Variants in FHIT observed in about 807,000 individuals in gnomAD.
The protein encoded by FHIT is fragile histidine triad diadenosine triphosphatase, also known as bis(5'-adenosyl)-triphosphatase.
A neutral mutation model predicts 17.9 loss-of-function variants in FHIT; 19 were observed. The ratio of observed to expected loss-of-function variants is 1.06; its 90% CI spans 0.74 to 1.56. The LOEUF (loss-of-function observed/expected upper bound fraction) is 1.56, where lower values mean the gene tolerates loss of function less well. FHIT is among the 40% of genes most tolerant of loss of function. The pLI is 0.00. For missense variants in FHIT, 248 were observed against 189.2 expected, an observed-to-expected ratio of 1.31 and a Z score of -1.82; for synonymous variants, 81 against 69.7, an observed-to-expected ratio of 1.16 and a Z score of -0.81.
intron 7 of FHIT, among the ~76,000 whole-genome samples, chr3:59,951,781 T>A (rs899271044): frequency 2.6e-5 from 4 of 152,078 alleles, no homozygotes; most frequent in African/African-American, 9.7e-5. Flanking sequence ...CCCAGTTACA[T>A]CACCCCACCA....
chr3:60,045,234 G>A (rs574283134), intron 5 of FHIT, among the ~76,000 whole-genome samples: 66 of 152,220 alleles, frequency 4.3e-4, no homozygotes, highest in South Asian at 8.3e-4. Flanking sequence ...TTAAAATGAT[G>A]TATTATTCTC....
chr3:60,911,371 G>GCA (rs35183064), intron 3 of FHIT, among the ~76,000 whole-genome samples: 52,222 of 148,594 alleles, frequency 0.35, 10,350 homozygotes, highest in East Asian at 0.79. Flanking sequence ...TTCTTTGCAT[G>GCA]CACACACACA....
At chr3:61,227,178 C>G (rs1000959508) in intron 1 of FHIT, among the ~76,000 whole-genome samples, 3 of 152,064 alleles carry the variant, frequency 2.0e-5, no homozygotes, top group African/African-American at 4.8e-5. Flanking sequence ...TTCAAAGAAA[C>G]CATTAAGACA....
intron 3 of FHIT, among the ~76,000 whole-genome samples, chr3:60,828,693 C>T (rs1702210565): frequency 6.6e-6 from 1 of 152,080 alleles, no homozygotes; most frequent in East Asian, 1.9e-4. Context: ...GCCTGACCAA[C>T]ATGGCAAAAA....
At chr3:61,134,130 C>CACACACACACACACACAA (rs1200290794) in intron 2 of FHIT, among the ~76,000 whole-genome samples, 1 of 151,410 alleles carries the variant, frequency 6.6e-6, no homozygotes, top group African/African-American at 2.4e-5. Flanking sequence ...CACACACACA[C>CACACACACACACACACAA]AAAGAGGTCA....
chr3:61,174,686 T>C (rs2038105203), intron 2 of FHIT, among the ~76,000 whole-genome samples: 1 of 152,242 alleles, frequency 6.6e-6, no homozygotes. Context: ...AGTATATCTT[T>C]AAATCTTTTC....
chr3:60,891,713 A>T (rs1705524298), intron 3 of FHIT, among the ~76,000 whole-genome samples: 1 of 152,188 alleles, frequency 6.6e-6, no homozygotes, highest in Non-Finnish European at 1.5e-5. Context: ...GGGCTGCTGC[A>T]CAACTATGGG....
At chr3:61,180,329 A>C (rs903161427) in intron 2 of FHIT, among the ~76,000 whole-genome samples, 3 of 152,232 alleles carry the variant, frequency 2.0e-5, no homozygotes, top group Non-Finnish European at 4.4e-5. Context: ...ACAGCTCATT[A>C]ACAATTGCGT....
intron 4 of FHIT, among the ~76,000 whole-genome samples, chr3:60,678,517 A>G (rs1389289011): frequency 6.6e-6 from 1 of 152,174 alleles, no homozygotes; most frequent in Non-Finnish European, 1.5e-5. Context: ...TATCACCCCT[A>G]CAATTGGACC....
At chr3:60,344,459 T>G (rs182883867) in intron 5 of FHIT, among the ~76,000 whole-genome samples, 230 of 152,294 alleles carry the variant, frequency 1.5e-3, no homozygotes, top group African/African-American at 5.1e-3. Flanking sequence ...GGAAACAGAT[T>G]GAGAAAAGTC....
At chr3:59,939,071 G>T (rs1309421321) in intron 7 of FHIT, among the ~76,000 whole-genome samples, 4 of 152,118 alleles carry the variant, frequency 2.6e-5, no homozygotes, top group African/African-American at 9.7e-5. Flanking sequence ...AATAAAAGAG[G>T]CAACAGACAG....
At chr3:59,888,810 T>C (rs1225640676) in intron 8 of FHIT, among the ~76,000 whole-genome samples, 2 of 152,176 alleles carry the variant, frequency 1.3e-5, no homozygotes, top group African/African-American at 4.8e-5. Context: ...GACTGGAAGA[T>C]TTATAATAAA....
intron 5 of FHIT, among the ~76,000 whole-genome samples, chr3:60,029,907 G>GTGTGTGTGTGTGTGTC (rs1700927018): frequency 1.5e-5 from 2 of 132,546 alleles, no homozygotes; most frequent in African/African-American, 6.5e-5. Flanking sequence ...CTGTGTGTGT[G>GTGTGTGTGTGTGTGTC]TGTGTGTGTG....
At chr3:60,072,811 T>C (rs369690345) in intron 5 of FHIT, among the ~76,000 whole-genome samples, 1 of 152,236 alleles carries the variant, frequency 6.6e-6, no homozygotes, top group Non-Finnish European at 1.5e-5. Context: ...CAGGATATGA[T>C]ACTTTCTTAA....
At chr3:60,286,909 A>C (rs1177005853) in intron 5 of FHIT, among the ~76,000 whole-genome samples, 2 of 152,204 alleles carry the variant, frequency 1.3e-5, no homozygotes, top group Non-Finnish European at 2.9e-5. Context: ...CCTGCAAAAA[A>C]AAGTTAAGGC....
intron 4 of FHIT, among the ~76,000 whole-genome samples, chr3:60,592,242 A>G (rs1203435530): frequency 6.8e-6 from 1 of 146,042 alleles, no homozygotes; most frequent in Non-Finnish European, 1.5e-5. Flanking sequence ...TATATATTCC[A>G]TATATATACT....
At chr3:60,089,821 A>G (rs72880854) in intron 5 of FHIT, among the ~76,000 whole-genome samples, 8,259 of 152,242 alleles carry the variant, frequency 0.054, 352 homozygotes, top group African/African-American at 0.12. Context: ...TCACCTCCCA[A>G]TGGCAACATC....
Position 59,892,073 on chromosome 3 carries a change from C to T in FHIT, c.348+30273G>A, listed in dbSNP as rs149308084. Among the ~76,000 whole-genome samples, 882 of 152,324 alleles carry T rather than the reference C, an allele frequency of 5.8e-3. 3 individuals are homozygous for T. The highest frequency in any genetic ancestry group is 0.016 in the South Asian group (75 of 4,822). ...CATCTATAACTCAATTTAGCCAAGT[C>T]CATACCTTCTGAGATCCTTGACTTA... On this transcript the variant is annotated intron_variant, in intron 8 of 9. Coordinates refer to ENST00000492590, the MANE Select transcript of FHIT (RefSeq NM_002012.4).
At chr3:60,555,752 G>T (rs2036718433) in intron 4 of FHIT, among the ~76,000 whole-genome samples, 1 of 152,136 alleles carries the variant, frequency 6.6e-6, no homozygotes, top group African/African-American at 2.4e-5. Flanking sequence ...TGAGGCTCTG[G>T]CTGCCTACTG....
Sources: gnomAD v4.1 joint callset for allele counts (sites outside exome capture counted in the v4.1 genomes callset) on GRCh38, gnomAD v4.1.1 for gene constraint, MANE v1.5 for transcripts, NCBI Gene and HGNC (gene_info 2026-07-23, HGNC 2026-07-21) for gene names.